The following ANKRD13D variants were observed in gnomAD, a reference collection of about 807,000 sequenced individuals.
ANKRD13D encodes the protein ankyrin repeat domain 13D.
In ANKRD13D, 24 loss-of-function variants were observed where a neutral mutation model predicts 68.8. That is an observed-to-expected ratio of 0.35 (90% CI 0.25 to 0.49). The LOEUF is 0.49. ANKRD13D is among the 20% of genes least tolerant of loss of function. The pLI, the probability that ANKRD13D is intolerant of heterozygous loss-of-function variation, is 0.99. For missense variants in ANKRD13D, 735 were observed against 832.1 expected (o/e 0.88, Z 1.44); for synonymous variants, 331 against 336.1 (o/e 0.98, Z 0.16).
rs762820762 is a variant in ANKRD13D at position 67,299,846 on chromosome 11, G to T, written c.900G>T (p.Gln300His). The T allele has an allele frequency of 2.0e-6, 3 of 1,536,850 alleles. No homozygotes were observed. In the East Asian group the frequency reaches 6.8e-5, roughly 35 times the overall value. ...SRSKAGKTPF[Q>H]SFLGMAQQHS... ...CCGTAGCGGGGAAGACTCCATTCCA[G>T]TCCTTCCTGGGGATGGCGCAGCAGC... Residue 300 changes from glutamine to histidine, a missense_variant, in exon 9 of 15, where the codon CAG (glutamine) becomes CAT (histidine). Gln to His is a conservative substitution (Grantham distance 24). Coordinates refer to ENST00000511455, the MANE Select transcript of ANKRD13D (RefSeq NM_207354.3). The surrounding 1 kb of genome is among the most constrained non-coding windows in gnomAD (Gnocchi z 6.2).
At chr11:67,293,276 G>C (rs924265875) in intron 6 of ANKRD13D, among the ~76,000 whole-genome samples, 2 of 152,166 alleles carry the variant, frequency 1.3e-5, no homozygotes, top group African/African-American at 4.8e-5. Flanking sequence ...AGCAGCATGT[G>C]AGGGTTCCAG....
Position 67,289,507 on chromosome 11 carries a change from C to A in ANKRD13D, c.47C>A (p.Ala16Glu), listed in dbSNP as rs1400296004. 2 of 1,521,164 alleles carry A rather than the reference C, an allele frequency of 1.3e-6. No individual in the cohort carries two copies. Among genetic ancestry groups the A allele is most frequent in the African/African-American group, 2.8e-5 (2 of 70,698 alleles). The allele number at this position is 1,521,164 out of a possible 1,614,324, so 94.2% of individuals were successfully genotyped here. The change falls in exon 1 of 15, where the codon GCG becomes GAG. Residue 16 changes from alanine to glutamate, a missense_variant. Ala to Glu is a moderately radical substitution (Grantham distance 107). Transcript: ENST00000511455. ...PTFPLHRLVW[A>E]NRHRELEAAL... is the part of the protein sequence containing the mutation. ...TTCCCGCTGCACCGGCTCGTCTGGGCGAACCGGCATCGCGAACTGGAGGCC... is the reference window on the plus strand; with the variant it reads ...TTCCCGCTGCACCGGCTCGTCTGGGAGAACCGGCATCGCGAACTGGAGGCC...
chr11:67,293,979 G>C (rs1362724397), intron 6 of ANKRD13D, among the ~76,000 whole-genome samples: 2 of 152,178 alleles, frequency 1.3e-5, no homozygotes, highest in Non-Finnish European at 2.9e-5. Context: ...AGCCCCCTTT[G>C]TTGAAAAGAC....
Position 67,301,927 on chromosome 11 carries a change from C to G in ANKRD13D, c.1604+104C>G. 4 of 1,372,048 alleles carry G rather than the reference C, an allele frequency of 2.9e-6. No homozygotes were observed. In the South Asian group the frequency reaches 5.8e-5, roughly 20 times the overall value. 85.0% of individuals were successfully genotyped at this position (1,372,048 alleles called of 1,614,324 possible). On this transcript the variant is annotated intron_variant, in intron 14 of 14. Transcript: ENST00000511455. This position sits in a 1 kb window ranked among gnomAD's most constrained non-coding sequence, Gnocchi z 4.5. Reference sequence around the variant, plus strand: ...TAGGACCCCAGGCCCTCTGCAAGGCCACCCTCTGTCAGCAGCGCTATCTGC... The same window carrying G: ...TAGGACCCCAGGCCCTCTGCAAGGCGACCCTCTGTCAGCAGCGCTATCTGC...
chr11:67,300,779 G>A lies in ANKRD13D; in HGVS notation c.1074-211G>A, dbSNP rs1312643565. ...ATGAGCTGGTACGAAATCCTCAGGA[G>A]CCCCAGCCTGGGCCCAGGGAGGAGG... is the stretch of plus-strand genomic sequence containing the variant. On this transcript the variant is annotated intron_variant, in intron 10 of 14. Coordinates refer to ENST00000511455, the MANE Select transcript of ANKRD13D (RefSeq NM_207354.3). The surrounding 1 kb of genome is among the most constrained non-coding windows in gnomAD (Gnocchi z 4.3). 4.9e-6 allele frequency: 3 copies of A among 609,914 alleles called. No individual in the cohort carries two copies. The African/African-American group carries it at 5.6e-5, about 11-fold the overall frequency. 37.8% of individuals were successfully genotyped at this position (609,914 alleles called of 1,614,324 possible). A position where few individuals can be genotyped will look rare whatever the true frequency, so the allele number is the denominator to read the frequency against.
At chr11:67,295,847 TATG>T (rs1488078444) in intron 6 of ANKRD13D, among the ~76,000 whole-genome samples, 2 of 152,248 alleles carry the variant, frequency 1.3e-5, no homozygotes, top group Admixed American at 6.5e-5. Context: ...TACCATTAAG[TATG>T]ATATTAGTTG....
chr11:67,301,858 C>T lies in ANKRD13D; in HGVS notation c.1604+35C>T, dbSNP rs767727494. The T allele has an allele frequency of 7.1e-6, 11 of 1,552,672 alleles. No individual in the cohort carries two copies. Among genetic ancestry groups the T allele is most frequent in the Admixed American group, 3.9e-5 (2 of 50,716 alleles). On this transcript the variant is annotated intron_variant, in intron 14 of 14. Transcript: ENST00000511455. The surrounding 1 kb of genome is among the most constrained non-coding windows in gnomAD (Gnocchi z 4.5). ...TCATGGGGCTGGCTGGGTCCCTGTC[C>T]CCCCAGCCCTGGCTTGGCGGGGAGG...
At chr11:67,293,007 C>T (rs1450003874) in intron 6 of ANKRD13D, among the ~76,000 whole-genome samples, 2 of 152,070 alleles carry the variant, frequency 1.3e-5, no homozygotes, top group African/African-American at 2.4e-5. Flanking sequence ...TTTTTGTGGC[C>T]ATTGTATGAA....
chr11:67,301,365 G>T lies in ANKRD13D; in HGVS notation c.1315G>T (p.Val439Leu), dbSNP rs1258661817. Residue 439 changes from valine (V) to leucine (L), a missense_variant, in exon 12 of 15, where the codon GTG becomes TTG. Val to Leu is a conservative substitution (Grantham distance 32). Coordinates refer to ENST00000511455, the MANE Select transcript of ANKRD13D (RefSeq NM_207354.3). The surrounding 1 kb of genome is among the most constrained non-coding windows in gnomAD (Gnocchi z 4.5). ...GCDEPLSSVW[V>L]PAPSSAVAAS... Reference sequence around the variant, plus strand: ...TGATGAGCCCCTGAGCTCCGTGTGGGTGCCGGCCCCCAGCTCTGCTGTTGC... The same window carrying T: ...TGATGAGCCCCTGAGCTCCGTGTGGTTGCCGGCCCCCAGCTCTGCTGTTGC... The T allele has an allele frequency of 6.2e-7, 1 of 1,613,388 alleles. No individual in the cohort carries two copies. The highest frequency in any genetic ancestry group is 8.5e-7 in the Non-Finnish European group (1 of 1,179,734).
At chr11:67,298,961 A>G (rs1860866540) in intron 6 of ANKRD13D, 97 bp from the exon 7 acceptor site, 2 of 1,331,180 alleles carry the variant, frequency 1.5e-6, no homozygotes, top group African/African-American at 1.4e-5. Context: ...AGAGTTGGGC[A>G]CCCCGGGCAG....
rs1590874339 is a variant in ANKRD13D at position 67,300,257 on chromosome 11, T to G, written c.1073+134T>G. 7.6e-7 allele frequency: 1 copy of G among 1,315,756 alleles called. No homozygotes were observed. The highest frequency in any genetic ancestry group is 2.5e-5 in the East Asian group (1 of 40,560). The allele number at this position is 1,315,756 out of a possible 1,614,324, so 81.5% of individuals were successfully genotyped here. On this transcript the variant is annotated intron_variant, in intron 10 of 14. Transcript: ENST00000511455. The surrounding 1 kb of genome is among the most constrained non-coding windows in gnomAD (Gnocchi z 4.3). ...GGACTCCACTCCTGGAGGGCAGGAG[T>G]CATGTCTGCCTTATCCATGGTCCTC...
In ANKRD13D at chr11:67,300,391, C is replaced by G; in HGVS notation, c.1073+268C>G. On this transcript the variant is annotated intron_variant, in intron 10 of 14. Transcript: ENST00000511455. This position sits in a 1 kb window ranked among gnomAD's most constrained non-coding sequence, Gnocchi z 4.3. ...TGAATTTCATGAGTACCTGCTGGGG[C>G]CAGCGTGGCACAGTGGGAAGGGCCC... is the stretch of plus-strand genomic sequence containing the variant. The G allele has an allele frequency of 2.1e-6, 1 of 472,648 alleles. No individual in the cohort carries two copies. 29.3% of individuals were successfully genotyped at this position (472,648 alleles called of 1,614,324 possible). A position where few individuals can be genotyped will look rare whatever the true frequency, so the allele number is the denominator to read the frequency against.
Position 67,289,394 on chromosome 11 carries a change from G to A in ANKRD13D, c.-67G>A. 1.7e-6 allele frequency: 2 copies of A among 1,188,906 alleles called. No individual in the cohort carries two copies. The highest frequency in any genetic ancestry group is 2.6e-5 in the South Asian group (1 of 38,164). 73.6% of individuals were successfully genotyped at this position (1,188,906 alleles called of 1,614,324 possible). On this transcript the variant is annotated 5_prime_UTR_variant, in exon 1 of 15. Transcript: ENST00000511455. ...GGCGCAGCTGGGGCGCGGCTCGGAGGGGAGGCTAGGGGGCCGTGCCAGGCC... is the reference window on the plus strand; with the variant it reads ...GGCGCAGCTGGGGCGCGGCTCGGAGAGGAGGCTAGGGGGCCGTGCCAGGCC...
At position 67,302,388 on chromosome 11, in the gene ANKRD13D, T is replaced by G. The variant is rs2134752220; in HGVS notation, c.*56T>G. 6.9e-7 allele frequency: 1 copy of G among 1,446,018 alleles called. No homozygotes were observed. The highest frequency in any genetic ancestry group is 9.1e-7 in the Non-Finnish European group (1 of 1,094,540). The allele number at this position is 1,446,018 out of a possible 1,614,324, so 89.6% of individuals were successfully genotyped here. A position where few individuals can be genotyped will look rare whatever the true frequency, so the allele number is the denominator to read the frequency against. ...CTCCCTGCCCGCTTTTGTAATTTAT[T>G]TATTTATAAACTCTCTGCTGCTGAG... On this transcript the variant is annotated 3_prime_UTR_variant, in exon 15 of 15. Transcript: ENST00000511455.
Position 67,299,600 on chromosome 11 carries a change from C to T in ANKRD13D, c.869C>T (p.Ser290Leu), listed in dbSNP as rs746328789. 1.3e-5 allele frequency: 20 copies of T among 1,551,022 alleles called. No homozygotes were observed. The highest frequency in any genetic ancestry group is 1.1e-4 in the African/African-American group (8 of 73,030). ...GAGCACCTCTCTGATCAGGACAAGTCGAGGAGCAAAGGTAAACCCAGGTGC... is the reference window on the plus strand; with the variant it reads ...GAGCACCTCTCTGATCAGGACAAGTTGAGGAGCAAAGGTAAACCCAGGTGC... The part of the protein sequence containing the change: ...RTEHLSDQDK[S>L]RSKAGKTPFQ... Residue 290 changes from serine (S) to leucine (L), a missense_variant, in exon 8 of 15, where the codon TCG becomes TTG. Coordinates refer to ENST00000511455, the MANE Select transcript of ANKRD13D (RefSeq NM_207354.3). This position sits in a 1 kb window ranked among gnomAD's most constrained non-coding sequence, Gnocchi z 6.2.
intron 3 of ANKRD13D, 33 bp from the exon 4 acceptor site, chr11:67,291,443 A>G (rs1860540802): frequency 1.3e-6 from 2 of 1,594,914 alleles, no homozygotes; most frequent in Admixed American, 1.7e-5. Flanking sequence ...AGCAGCAGGC[A>G]GGGCGCTGAC....
intron 1 of ANKRD13D, 114 bp from the exon 2 acceptor site, chr11:67,289,964 T>A: frequency 6.9e-7 from 1 of 1,458,814 alleles, no homozygotes; most frequent in African/African-American, 1.4e-5. Context: ...GCCATCTCCC[T>A]GGTCAGTCCG....
rs1590873948 is a variant in ANKRD13D at position 67,299,977 on chromosome 11, C to T, written c.943-16C>T. The T allele has an allele frequency of 2.5e-6, 4 of 1,608,896 alleles. No homozygotes were observed. The highest frequency in any genetic ancestry group is 2.7e-5 in the African/African-American group (2 of 74,852). On this transcript the variant is annotated splice_polypyrimidine_tract_variant and intron_variant, in intron 9 of 14. Coordinates refer to ENST00000511455, the MANE Select transcript of ANKRD13D (RefSeq NM_207354.3). The surrounding 1 kb of genome is among the most constrained non-coding windows in gnomAD (Gnocchi z 6.2). ...CTGTCACCTTGATGGCTGAGTCCGC[C>T]CTGGGACCCACGCAGGCCCCCGTGC...
intron 1 of ANKRD13D, 122 bp downstream of exon 1, chr11:67,289,672 C>T: frequency 1.8e-5 from 22 of 1,206,338 alleles, no homozygotes; most frequent in Non-Finnish European, 2.4e-5. Flanking sequence ...CCTGGGCCTT[C>T]CTCCCCTGCA....
Sources: gnomAD v4.1 joint callset for allele counts (sites outside exome capture counted in the v4.1 genomes callset) on GRCh38, gnomAD v4.1.1 for gene constraint, Gnocchi (gnomAD v3.1) non-coding constraint, MANE v1.5 for transcripts, NCBI Gene and HGNC (gene_info 2026-07-23, HGNC 2026-07-21) for gene names.